The following RBFOX1 variants were observed in gnomAD, a reference collection of about 807,000 sequenced individuals.
RBFOX1 encodes RNA binding protein fox-1 homolog 1.
RBFOX1 carries 8 observed loss-of-function variants against 57.7 expected under a neutral mutation model. The ratio of observed to expected loss-of-function variants is 0.14; its 90% confidence interval spans 0.08 to 0.25. The LOEUF (loss-of-function observed/expected upper bound fraction) is 0.25. Among genes scored for constraint, RBFOX1 ranks in the 10% least tolerant of loss-of-function variants. The pLI is 1.00. For synonymous variants in RBFOX1, 326 were observed against 222.4 expected, an observed-to-expected ratio of 1.47 and a Z score of -4.15; for missense variants, 611 against 548.5, an observed-to-expected ratio of 1.11 and a Z score of -1.14.
At chr16:7,123,317 T>C (rs62014151) in intron 4 of RBFOX1, among the ~76,000 whole-genome samples, 63,539 of 151,910 alleles carry the variant, frequency 0.42, 13,699 homozygotes, top group Admixed American at 0.49. Flanking sequence ...TTAAAAATAT[T>C]TGTGGATGGA....
intron 3 of RBFOX1, among the ~76,000 whole-genome samples, chr16:6,657,338 G>C (rs1043252233): frequency 1.8e-4 from 27 of 152,134 alleles, no homozygotes; most frequent in African/African-American, 6.5e-4. Context: ...GGTTTTAGGA[G>C]CTTGCTTTAT....
chr16:6,509,732 G>A (rs1001130262), intron 2 of RBFOX1, among the ~76,000 whole-genome samples: 1 of 152,146 alleles, frequency 6.6e-6, no homozygotes, highest in Admixed American at 6.6e-5. Context: ...TTAAGGAGAT[G>A]GAGACCCATT....
chr16:6,394,883 G>A (rs2092758288), intron 2 of RBFOX1, among the ~76,000 whole-genome samples: 1 of 152,080 alleles, frequency 6.6e-6, no homozygotes, highest in African/African-American at 2.4e-5. Flanking sequence ...TGTGTATCGT[G>A]GTGAGAAAAC....
At chr16:5,471,689 G>C (rs1017233628) in intron 2 of RBFOX1, among the ~76,000 whole-genome samples, 2 of 152,180 alleles carry the variant, frequency 1.3e-5, no homozygotes, top group African/African-American at 2.4e-5. Context: ...TAAAGCACTC[G>C]TGGGACCTCG....
chr16:6,349,045 T>A (rs2152840984), intron 2 of RBFOX1, among the ~76,000 whole-genome samples: 1 of 152,326 alleles, frequency 6.6e-6, no homozygotes. Flanking sequence ...GACTTCTTCA[T>A]GGAAAAGAAT....
At chr16:5,469,227 CTCTT>C (rs770827192) in intron 2 of RBFOX1, among the ~76,000 whole-genome samples, 2 of 152,190 alleles carry the variant, frequency 1.3e-5, no homozygotes, top group African/African-American at 2.4e-5. Context: ...TCTCAGAGTC[CTCTT>C]TCTTTGTGGG....
intron 3 of RBFOX1, among the ~76,000 whole-genome samples, chr16:6,897,989 C>G (rs1169401130): frequency 6.6e-6 from 1 of 152,124 alleles, no homozygotes; most frequent in African/African-American, 2.4e-5. Flanking sequence ...TGTAACTCTG[C>G]TAAACTACAG....
chr16:7,167,172 G>C (rs1183844162), intron 4 of RBFOX1, among the ~76,000 whole-genome samples: 1 of 151,374 alleles, frequency 6.6e-6, no homozygotes, highest in Non-Finnish European at 1.5e-5. Flanking sequence ...TTTTAGTAGA[G>C]AAGGGATTTC....
intron 1 of RBFOX1, among the ~76,000 whole-genome samples, chr16:5,455,541 A>T (rs374448415): frequency 1.3e-5 from 2 of 152,178 alleles, no homozygotes; most frequent in African/African-American, 4.8e-5. Flanking sequence ...TCTTTCTTTC[A>T]TTCTTACCTA....
At chr16:6,147,317 G>T (rs1198041988) in intron 1 of RBFOX1, among the ~76,000 whole-genome samples, 1 of 152,128 alleles carries the variant, frequency 6.6e-6, no homozygotes, top group African/African-American at 2.4e-5. Flanking sequence ...CATAAGTACA[G>T]GCCAGTTTTG....
chr16:6,730,888 A>G (rs7196961), intron 3 of RBFOX1, among the ~76,000 whole-genome samples: 1 of 152,062 alleles, frequency 6.6e-6, no homozygotes, highest in Non-Finnish European at 1.5e-5. Flanking sequence ...CTTGAATTAG[A>G]ATTACCAAAT....
chr16:6,131,268 G>A (rs534371546), intron 1 of RBFOX1, among the ~76,000 whole-genome samples: 1 of 152,146 alleles, frequency 6.6e-6, no homozygotes, highest in Non-Finnish European at 1.5e-5. Context: ...ATCTTTATTA[G>A]CCTAAGCCCC....
At chr16:5,866,133 A>G (rs1198954906) in intron 3 of RBFOX1, among the ~76,000 whole-genome samples, 2 of 152,022 alleles carry the variant, frequency 1.3e-5, no homozygotes, top group African/African-American at 4.8e-5. Flanking sequence ...ATGCCCAGCT[A>G]ATTTTTTGTG....
intron 4 of RBFOX1, chr16:7,328,512 A>C (rs978451709): frequency 6.8e-6 from 1 of 147,490 alleles, no homozygotes; most frequent in African/African-American, 2.5e-5. Flanking sequence ...AAGACCTGGG[A>C]AGGGAGATGC....
intron 4 of RBFOX1, among the ~76,000 whole-genome samples, chr16:7,461,284 C>T (rs1387298905): frequency 6.6e-6 from 1 of 152,042 alleles, no homozygotes; most frequent in African/African-American, 2.4e-5. Flanking sequence ...TCTCCTGCCT[C>T]AGCCTCCCAA....
chr16:7,304,783 T>C (rs1288304093), intron 4 of RBFOX1, among the ~76,000 whole-genome samples: 1 of 152,164 alleles, frequency 6.6e-6, no homozygotes, highest in Non-Finnish European at 1.5e-5. Flanking sequence ...TCAGTGCCTT[T>C]CGTGGTGATC....
At chr16:5,558,645 G>C (rs952120808) in intron 2 of RBFOX1, among the ~76,000 whole-genome samples, 2 of 152,104 alleles carry the variant, frequency 1.3e-5, no homozygotes, top group African/African-American at 4.8e-5. Flanking sequence ...TTTCAGTCTT[G>C]AGCAAGCTCC....
chr16:5,483,843 C>G (rs948005633), intron 2 of RBFOX1, among the ~76,000 whole-genome samples: 10 of 152,030 alleles, frequency 6.6e-5, no homozygotes, highest in African/African-American at 2.4e-4. Flanking sequence ...TGTGGGGTGC[C>G]CTGCCTCAAG....
intron 1 of RBFOX1, among the ~76,000 whole-genome samples, chr16:6,075,027 A>G (rs2095878735): frequency 6.6e-6 from 1 of 152,200 alleles, no homozygotes; most frequent in Non-Finnish European, 1.5e-5. Context: ...AATATCTGGA[A>G]CACGAACCTC....
Sources: allele counts gnomAD v4.1 joint callset (sites outside exome capture counted in the v4.1 genomes callset), GRCh38; gene constraint gnomAD v4.1.1; transcripts MANE v1.5; gene names NCBI Gene and HGNC (gene_info 2026-07-23, HGNC 2026-07-21).